PSMC4: variants seen among roughly 807,000 people sequenced by gnomAD.
PSMC4 encodes 26S proteasome regulatory subunit 6B.
In PSMC4, 13 loss-of-function variants were observed where a neutral mutation model predicts 48.4. The observed-to-expected ratio is 0.27, with a 90% CI of 0.18 to 0.43. The LOEUF is 0.43. PSMC4 is among the 20% of genes least tolerant of loss of function. The pLI, the probability that PSMC4 is intolerant of heterozygous loss-of-function variation, is 1.00. For missense variants in PSMC4, 262 were observed against 555.9 expected (o/e 0.47, Z 5.32); for synonymous variants, 202 against 212.3 (o/e 0.95, Z 0.42).
Position 39,980,805 on chromosome 19 carries a change from A to C in PSMC4, c.1143+88A>C. The C allele has an allele frequency of 7.3e-7, 1 of 1,364,704 alleles. No individual in the cohort carries two copies. The highest frequency in any genetic ancestry group is 1.0e-6 in the Non-Finnish European group (1 of 954,264). 84.5% of individuals were successfully genotyped at this position (1,364,704 alleles called of 1,614,324 possible). On this transcript the variant is annotated intron_variant, in intron 10 of 10. Coordinates refer to ENST00000157812, the MANE Select transcript of PSMC4 (RefSeq NM_006503.4). The surrounding 1 kb of genome is among the most constrained non-coding windows in gnomAD (Gnocchi z 4.8). ...CACTCTGCTGCAGTCCTGTCCCCTC[A>C]TGGCTGCCCTGGGTCGTGGGCGCCA... is the stretch of plus-strand genomic sequence containing the variant.
At position 39,972,868 on chromosome 19, in the gene PSMC4, C is replaced by G. The variant is rs1195662970; in HGVS notation, c.322+313C>G. ...TCACACGATTCTCCTGTCTCAGCCT[C>G]CCAAGTAGCTGGGATTACAGGCATG... is the stretch of plus-strand genomic sequence containing the variant. On this transcript the variant is annotated intron_variant, in intron 3 of 10. Transcript: ENST00000157812. Among the ~76,000 whole-genome samples the G allele has an allele frequency of 2.0e-5, 3 of 152,084 alleles. No homozygotes were observed. In the East Asian group the frequency reaches 5.8e-4, roughly 29 times the overall value.
chr19:39,971,313 G>A lies in PSMC4; in HGVS notation c.36+75G>A, dbSNP rs576967378. On this transcript the variant is annotated intron_variant, in intron 1 of 10. Coordinates refer to ENST00000157812, the MANE Select transcript of PSMC4 (RefSeq NM_006503.4). ...GGGTGAAGCCAGACCTGAGTGGGGG[G>A]AGGAATGGCTTCCAGGACCCCGGCC... 2.8e-4 allele frequency: 440 copies of A among 1,572,638 alleles called. 2 individuals carry two copies. The African/African-American group carries it at 5.4e-3, about 19-fold the overall frequency.
In PSMC4 at chr19:39,980,319, G is replaced by A; in HGVS notation, c.952G>A (p.Asp318Asn). 1 of 1,614,016 alleles carries A rather than the reference G, an allele frequency of 6.2e-7. No individual in the cohort carries two copies. The highest frequency in any genetic ancestry group is 8.5e-7 in the Non-Finnish European group (1 of 1,180,026). The change falls in exon 9 of 11, where the codon GAT becomes AAT. Residue 318 changes from aspartate (D) to asparagine (N), a missense_variant. Asp to Asn is a conservative substitution (Grantham distance 23). Coordinates refer to ENST00000157812, the MANE Select transcript of PSMC4 (RefSeq NM_006503.4). This position sits in a 1 kb window ranked among gnomAD's most constrained non-coding sequence, Gnocchi z 4.8. Reference protein sequence around the residue: ...IMATNRADTLDPALLRPGRLD... With the variant: ...IMATNRADTLNPALLRPGRLD... Reference sequence around the variant, plus strand: ...GGCCACAAACAGAGCAGACACCCTGGATCCGGCCCTGCTACGGCCAGGACG... The same window carrying A: ...GGCCACAAACAGAGCAGACACCCTGAATCCGGCCCTGCTACGGCCAGGACG...
rs950468849 is a variant in PSMC4, at chr19:39,974,446, G to C, written c.469+6G>C. The C allele has an allele frequency of 8.1e-6, 13 of 1,613,822 alleles. No homozygotes were observed. The highest frequency in any genetic ancestry group is 1.1e-5 in the Non-Finnish European group (13 of 1,179,824). ...CATCATGATGCTCACCTCAGGTAAA[G>C]GGGGAGCCTGCAGCTGGGAGGGCCC... On this transcript the variant is annotated splice_donor_region_variant and intron_variant, in intron 4 of 10. Transcript: ENST00000157812. This position sits in a 1 kb window ranked among gnomAD's most constrained non-coding sequence, Gnocchi z 5.5.
Position 39,980,829 on chromosome 19 carries a change from C to T in PSMC4, c.1143+112C>T. 9.4e-7 allele frequency: 1 copy of T among 1,065,294 alleles called. No homozygotes were observed. The allele number at this position is 1,065,294 out of a possible 1,614,324, so 66.0% of individuals were successfully genotyped here. Reference sequence around the variant, plus strand: ...CATGGCTGCCCTGGGTCGTGGGCGCCATCTCTCTCTTCCTCTACCATCACT... The same window carrying T: ...CATGGCTGCCCTGGGTCGTGGGCGCTATCTCTCTCTTCCTCTACCATCACT... On this transcript the variant is annotated intron_variant, in intron 10 of 10. Coordinates refer to ENST00000157812, the MANE Select transcript of PSMC4 (RefSeq NM_006503.4). This position sits in a 1 kb window ranked among gnomAD's most constrained non-coding sequence, Gnocchi z 4.8.
Position 39,974,553 on chromosome 19 carries a change from A to G in PSMC4, c.499A>G (p.Ile167Val). The G allele has an allele frequency of 3.1e-6, 5 of 1,614,154 alleles. No individual in the cohort carries two copies. The highest frequency in any genetic ancestry group is 3.4e-6 in the Non-Finnish European group (4 of 1,180,032). The change falls in exon 5 of 11, where the codon ATC (isoleucine) becomes GTC (valine). Residue 167 changes from isoleucine to valine, a missense_variant. Ile to Val is a conservative substitution (Grantham distance 29, BLOSUM62 3). Transcript: ENST00000157812. This position sits in a 1 kb window ranked among gnomAD's most constrained non-coding sequence, Gnocchi z 5.5. ...DQKPDVMYAD[I>V]GGMDIQKQEV... ...GAAGCCAGATGTGATGTACGCGGAC[A>G]TCGGAGGCATGGACATCCAGAAGCA...
At position 39,974,064 on chromosome 19, in the gene PSMC4, G is replaced by C. The variant is rs1200910796; in HGVS notation, c.323-230G>C. On this transcript the variant is annotated intron_variant, in intron 3 of 10. Coordinates refer to ENST00000157812, the MANE Select transcript of PSMC4 (RefSeq NM_006503.4). The surrounding 1 kb of genome is among the most constrained non-coding windows in gnomAD (Gnocchi z 5.5). The stretch of plus-strand genomic sequence containing the variant: ...TGTGCCTCACTAGTATGAGATGCAG[G>C]GGGAGGCCTGCTGGACAGCCAGGGC... 6.6e-6 allele frequency among the ~76,000 whole-genome samples: 1 copy of C among 152,152 alleles called. No homozygotes were observed. The highest frequency in any genetic ancestry group is 1.5e-5 in the Non-Finnish European group (1 of 68,026).
In PSMC4 at chr19:39,974,502, C is replaced by A. The variant is rs755620864; in HGVS notation, c.470-22C>A. ...GGACCTTGAGGACCTGGCCAGGAGCCCCAGCTCTGCTCTCCCACCAGACCA... is the reference window on the plus strand; with the variant it reads ...GGACCTTGAGGACCTGGCCAGGAGCACCAGCTCTGCTCTCCCACCAGACCA... On this transcript the variant is annotated intron_variant, in intron 4 of 10. Coordinates refer to ENST00000157812, the MANE Select transcript of PSMC4 (RefSeq NM_006503.4). The surrounding 1 kb of genome is among the most constrained non-coding windows in gnomAD (Gnocchi z 5.5). The A allele has an allele frequency of 3.7e-6, 6 of 1,613,564 alleles. No homozygotes were observed. Among genetic ancestry groups the A allele is most frequent in the Non-Finnish European group, 5.1e-6 (6 of 1,179,604 alleles).
chr19:39,981,125 G>A lies in PSMC4; in HGVS notation c.1144-67G>A, dbSNP rs956650872. The A allele has an allele frequency of 2.3e-5, 28 of 1,235,634 alleles. No individual in the cohort carries two copies. The African/African-American group carries it at 2.4e-4, about 10-fold the overall frequency. 76.5% of individuals were successfully genotyped at this position (1,235,634 alleles called of 1,614,324 possible). On this transcript the variant is annotated intron_variant, in intron 10 of 10. Coordinates refer to ENST00000157812, the MANE Select transcript of PSMC4 (RefSeq NM_006503.4). ...GTATACCTCAGCCTCCCAAAGTGTC[G>A]GGATTACAGGTGTGAGCCACTGTGC...
At chr19:39,972,970 T>G (rs1971128965) in intron 3 of PSMC4, among the ~76,000 whole-genome samples, 1 of 152,106 alleles carries the variant, frequency 6.6e-6, no homozygotes, top group South Asian at 2.1e-4. Flanking sequence ...GGTCTTGAAC[T>G]CCTGACCTCA....
chr19:39,977,319 G>T (rs1971219951), intron 6 of PSMC4, among the ~76,000 whole-genome samples: 1 of 152,068 alleles, frequency 6.6e-6, no homozygotes, highest in Non-Finnish European at 1.5e-5. Flanking sequence ...AATTAACAGT[G>T]GTACAATACA....
At chr19:39,976,052 C>T (rs1325031019) in intron 6 of PSMC4, among the ~76,000 whole-genome samples, 1 of 151,696 alleles carries the variant, frequency 6.6e-6, no homozygotes, top group Non-Finnish European at 1.5e-5. Flanking sequence ...ATCGAGACCA[C>T]AGTGAAACCC....
Position 39,980,185 on chromosome 19 carries a change from G to A in PSMC4, c.918+39G>A, listed in dbSNP as rs1971265705. On this transcript the variant is annotated intron_variant, in intron 8 of 10. Transcript: ENST00000157812. This position sits in a 1 kb window ranked among gnomAD's most constrained non-coding sequence, Gnocchi z 4.8. ...GATGGACAAGGGGAGGTGTGGTGTA[G>A]GAACTGGGGAAAGTTGGGGGCTGGC... The A allele has an allele frequency of 6.2e-7, 1 of 1,613,798 alleles. No individual in the cohort carries two copies.
Position 39,979,931 on chromosome 19 carries a change from T to C in PSMC4, c.788T>C (p.Phe263Ser). 6.2e-7 allele frequency: 1 copy of C among 1,614,032 alleles called. No homozygotes were observed. Among genetic ancestry groups the C allele is most frequent in the Non-Finnish European group, 8.5e-7 (1 of 1,179,990 alleles). ...AAGGAGAATGCACCTGCCATCATCT[T>C]CATAGACGAGATTGATGCCATCGCC... ...LAKENAPAII[F>S]IDEIDAIATK... The change falls in exon 7 of 11, where the codon TTC becomes TCC. Residue 263 changes from phenylalanine to serine, a missense_variant. Physicochemically the swap from Phe to Ser is radical, Grantham distance 155. Around this residue, in one of 4 missense-constraint regions of PSMC4, gnomAD observed 14 missense variants for 86.0 expected, o/e 0.16. Coordinates refer to ENST00000157812, the MANE Select transcript of PSMC4 (RefSeq NM_006503.4).
At chr19:39,978,062 C>T (rs1971232583) in intron 6 of PSMC4, among the ~76,000 whole-genome samples, 1 of 152,176 alleles carries the variant, frequency 6.6e-6, no homozygotes, top group South Asian at 2.1e-4. Context: ...TGGGCTCAAG[C>T]CATCCTCCTG....
chr19:39,974,606 G>A lies in PSMC4; in HGVS notation c.552G>A (p.Pro184=), dbSNP rs755531098. The A allele has an allele frequency of 2.3e-5, 37 of 1,613,966 alleles. No homozygotes were observed. Among genetic ancestry groups the A allele is most frequent in the Non-Finnish European group, 2.7e-5 (32 of 1,180,026 alleles). ...KQEVREAVEL[P]LTHFELYKQI... Reference sequence around the variant, plus strand: ...AGGTGCGGGAGGCCGTGGAGCTCCCGCTCACGCATTTCGAGCTCTACAAGC... The same window carrying A: ...AGGTGCGGGAGGCCGTGGAGCTCCCACTCACGCATTTCGAGCTCTACAAGC... Residue 184 remains proline, a synonymous_variant, in exon 5 of 11, where the codon CCG becomes CCA. Coordinates refer to ENST00000157812, the MANE Select transcript of PSMC4 (RefSeq NM_006503.4). The surrounding 1 kb of genome is among the most constrained non-coding windows in gnomAD (Gnocchi z 5.5).
At position 39,980,869 on chromosome 19, in the gene PSMC4, C is replaced by CCCCTAGTGGAT; in HGVS notation, c.1143+152_1143+153insCCCTAGTGGAT. 1 of 773,082 alleles carries CCCCTAGTGGAT rather than the reference C, an allele frequency of 1.3e-6. No homozygotes were observed. The highest frequency in any genetic ancestry group is 2.6e-5 in the East Asian group (1 of 38,980). The allele number at this position is 773,082 out of a possible 1,614,324, so 47.9% of individuals were successfully genotyped here. A position where few individuals can be genotyped will look rare whatever the true frequency, so the allele number is the denominator to read the frequency against. On this transcript the variant is annotated intron_variant, in intron 10 of 10. Transcript: ENST00000157812. This position sits in a 1 kb window ranked among gnomAD's most constrained non-coding sequence, Gnocchi z 4.8. ...CTACCATCACTAGGGGTGGATAGTA[C>CCCCTAGTGGAT]AGGGGTAGTGTTTTTGTGTTTTGCT...
intron 6 of PSMC4, among the ~76,000 whole-genome samples, chr19:39,975,730 C>G (rs1444046367): frequency 6.6e-6 from 1 of 152,092 alleles, no homozygotes; most frequent in Non-Finnish European, 1.5e-5. Context: ...CAAATTGATA[C>G]AAAGCATCTG....
In PSMC4 at chr19:39,980,761, G is replaced by A. The variant is rs755708927; in HGVS notation, c.1143+44G>A. 6.3e-7 allele frequency: 1 copy of A among 1,589,874 alleles called. No individual in the cohort carries two copies. Among genetic ancestry groups the A allele is most frequent in the Non-Finnish European group, 8.6e-7 (1 of 1,158,176 alleles). On this transcript the variant is annotated intron_variant, in intron 10 of 10. Transcript: ENST00000157812. The surrounding 1 kb of genome is among the most constrained non-coding windows in gnomAD (Gnocchi z 4.8). ...CTGGATCCAGGCAGCGGGTGTGTGA[G>A]GACCCTTCTTCTCTGAACCACTCTG...
Sources: gnomAD v4.1 joint callset for allele counts (sites outside exome capture counted in the v4.1 genomes callset) on GRCh38, gnomAD v4.1.1 for gene constraint, gnomAD v4.1.1 regional missense constraint, Gnocchi (gnomAD v3.1) non-coding constraint, MANE v1.5 for transcripts, NCBI Gene and HGNC (gene_info 2026-07-23, HGNC 2026-07-21) for gene names.